The following ROBO1 variants were observed in gnomAD, a reference collection of about 807,000 sequenced individuals.
The protein encoded by ROBO1 is roundabout homolog 1.
A neutral mutation model predicts 195.9 loss-of-function variants in ROBO1; 149 were observed. The ratio of observed to expected loss-of-function variants is 0.76; its 90% CI spans 0.67 to 0.87. The LOEUF is 0.87. Ranked by LOEUF, ROBO1 falls within the 40% of genes least tolerant of loss-of-function variation. The pLI, the probability that ROBO1 is intolerant of heterozygous loss-of-function variation, is 0.00. For synonymous variants in ROBO1, 816 were observed against 733.2 expected (o/e 1.11, Z -1.82); for missense variants, 1,933 against 2,068.3 (o/e 0.93, Z 1.27).
chr3:79,429,068 T>C (rs1032839288), intron 2 of ROBO1, among the ~76,000 whole-genome samples: 2 of 152,138 alleles, frequency 1.3e-5, no homozygotes, highest in African/African-American at 4.8e-5. Context: ...CTAAAATTCA[T>C]AGAAATGTAC....
At chr3:78,623,621 GCA>G (rs1469494519) in intron 26 of ROBO1, among the ~76,000 whole-genome samples, 3 of 152,152 alleles carry the variant, frequency 2.0e-5, no homozygotes, top group African/African-American at 7.2e-5. Context: ...AAATGCCTCT[GCA>G]CAGTCTGCAG....
intron 2 of ROBO1, among the ~76,000 whole-genome samples, chr3:79,506,831 A>T (rs998987158): frequency 1.3e-5 from 2 of 152,242 alleles, no homozygotes; most frequent in African/African-American, 2.4e-5. Flanking sequence ...TGCAACTTAC[A>T]TATTAGGTAT....
intron 8 of ROBO1, 142 bp from the exon 9 acceptor site, chr3:78,688,914 T>G (rs2081110237): frequency 1.1e-5 from 9 of 802,286 alleles, no homozygotes; most frequent in African/African-American, 1.8e-5. Context: ...ATTCTTGTCC[T>G]TAATTTGAAA....
At chr3:78,794,804 G>C (rs557344239) in intron 4 of ROBO1, among the ~76,000 whole-genome samples, 1 of 152,132 alleles carries the variant, frequency 6.6e-6, no homozygotes, top group African/African-American at 2.4e-5. Context: ...CTGGTCTCAA[G>C]CTCCTGGGCT....
chr3:79,128,022 A>T (rs2080249493), intron 2 of ROBO1, among the ~76,000 whole-genome samples: 2 of 152,276 alleles, frequency 1.3e-5, no homozygotes, highest in South Asian at 4.1e-4. Flanking sequence ...TCCTGTCAAA[A>T]GATAACAATA....
chr3:79,333,156 C>T (rs755728137), intron 2 of ROBO1, among the ~76,000 whole-genome samples: 3 of 150,444 alleles, frequency 2.0e-5, no homozygotes, highest in Admixed American at 6.6e-5. Context: ...TGAGCCGAGA[C>T]GGCGCCATTT....
chr3:79,098,576 G>A (rs544712340), intron 3 of ROBO1, among the ~76,000 whole-genome samples: 12 of 151,710 alleles, frequency 7.9e-5, no homozygotes, highest in Non-Finnish European at 1.6e-4. Flanking sequence ...GATGACAAAG[G>A]TTACACCCAA....
chr3:79,183,174 A>G (rs2081377765), intron 2 of ROBO1, among the ~76,000 whole-genome samples: 2 of 151,328 alleles, frequency 1.3e-5, no homozygotes, highest in African/African-American at 4.9e-5. Flanking sequence ...GGCACATTTT[A>G]TTTTATGATT....
intron 2 of ROBO1, among the ~76,000 whole-genome samples, chr3:79,126,031 A>G (rs897090217): frequency 2.0e-5 from 3 of 152,220 alleles, no homozygotes; most frequent in African/African-American, 4.8e-5. Context: ...GGGGAAAAAC[A>G]GGTCTTGTCA....
At chr3:78,685,972 C>A in intron 9 of ROBO1, 55 bp from the exon 10 acceptor site, 3 of 1,424,172 alleles carry the variant, frequency 2.1e-6, no homozygotes, top group Non-Finnish European at 2.8e-6. Context: ...TTGTTAGGTT[C>A]CAATATTTTG....
At chr3:79,661,834 G>A (rs368210501) in intron 1 of ROBO1, among the ~76,000 whole-genome samples, 2 of 152,102 alleles carry the variant, frequency 1.3e-5, no homozygotes, top group South Asian at 2.1e-4. Flanking sequence ...CTGTCAGCTG[G>A]TTAACAGCAG....
intron 1 of ROBO1, among the ~76,000 whole-genome samples, chr3:79,691,318 GAAGAA>G (rs1439396829): frequency 6.6e-6 from 1 of 151,584 alleles, no homozygotes; most frequent in Non-Finnish European, 1.5e-5. Context: ...GGTCCCCAAA[GAAGAA>G]AAAGCAAGAA....
In ROBO1 at chr3:78,657,120, A is replaced by G. The variant is rs373713831; in HGVS notation, c.2592T>C (p.Ser864=). 9 of 1,609,814 alleles carry G rather than the reference A, an allele frequency of 5.6e-6. No individual in the cohort carries two copies. The highest frequency in any genetic ancestry group is 7.6e-6 in the Non-Finnish European group (9 of 1,178,222). ...CACCCAGCTGGATGAACTGAGGCTC[A>G]CTCTTTACCCCAGACCCAGCCCCAG... ...ASTGAGSGVK[S]EPQFIQLDAH... The change falls in exon 18 of 31, where the codon AGT becomes AGC. Residue 864 remains serine, a synonymous_variant. Transcript: ENST00000464233.
chr3:79,614,979 C>A (rs766616503), intron 1 of ROBO1, among the ~76,000 whole-genome samples: 1 of 152,030 alleles, frequency 6.6e-6, no homozygotes, highest in African/African-American at 2.4e-5. Context: ...CTGTCCTCAC[C>A]CCTCAACAGG....
At chr3:78,914,339 G>C (rs551418290) in intron 4 of ROBO1, among the ~76,000 whole-genome samples, 1 of 152,142 alleles carries the variant, frequency 6.6e-6, no homozygotes, top group Non-Finnish European at 1.5e-5. Context: ...CCATAATAAA[G>C]AGAAACATAC....
intron 2 of ROBO1, among the ~76,000 whole-genome samples, chr3:79,144,188 C>A (rs1481901628): frequency 6.6e-6 from 1 of 152,118 alleles, no homozygotes; most frequent in African/African-American, 2.4e-5. Flanking sequence ...ATTAAATATA[C>A]ATTTTCATTT....
chr3:78,686,161 T>C (rs1407781146), intron 9 of ROBO1, among the ~76,000 whole-genome samples: 2 of 152,180 alleles, frequency 1.3e-5, no homozygotes, highest in East Asian at 3.9e-4. Flanking sequence ...ATACAAGGTT[T>C]AATAATCTAA....
intron 4 of ROBO1, among the ~76,000 whole-genome samples, chr3:78,916,494 G>C (rs1369562332): frequency 6.0e-5 from 9 of 149,072 alleles, no homozygotes; most frequent in Non-Finnish European, 1.2e-4. Flanking sequence ...GGAGGTTGCA[G>C]TGAGCCAAGA....
intron 2 of ROBO1, among the ~76,000 whole-genome samples, chr3:79,484,583 T>A (rs1346284173): frequency 6.6e-6 from 1 of 152,034 alleles, no homozygotes; most frequent in African/African-American, 2.4e-5. Context: ...AGGATTCTTT[T>A]ACAATTTAGA....
Sources: gnomAD v4.1 joint callset for allele counts (sites outside exome capture counted in the v4.1 genomes callset) on GRCh38, gnomAD v4.1.1 for gene constraint, MANE v1.5 for transcripts, NCBI Gene and HGNC (gene_info 2026-07-23, HGNC 2026-07-21) for gene names.